The following CACNA2D3 variants were observed in gnomAD, a reference collection of about 807,000 sequenced individuals.
CACNA2D3 encodes voltage-dependent calcium channel subunit alpha-2/delta-3.
In CACNA2D3, 60 loss-of-function variants were observed where a neutral mutation model predicts 160.6. That is an observed-to-expected ratio of 0.37 (90% CI 0.30 to 0.46). The LOEUF (loss-of-function observed/expected upper bound fraction) is 0.46. Ranked by LOEUF, CACNA2D3 falls within the 20% of genes least tolerant of loss-of-function variation. CACNA2D3 has a pLI of 1.00. For synonymous variants in CACNA2D3, 558 were observed against 492.9 expected (o/e 1.13, Z -1.75); for missense variants, 1,205 against 1,365.0 (o/e 0.88, Z 1.85).
intron 4 of CACNA2D3, among the ~76,000 whole-genome samples, chr3:54,480,805 G>A (rs112348039): frequency 1.3e-5 from 2 of 152,256 alleles, no homozygotes; most frequent in African/African-American, 2.4e-5. Flanking sequence ...AATCTGAAAT[G>A]TATGAAAGCT....
chr3:54,515,122 C>T (rs1701526835), intron 5 of CACNA2D3, among the ~76,000 whole-genome samples: 2 of 149,358 alleles, frequency 1.3e-5, no homozygotes, highest in Admixed American at 6.7e-5. Flanking sequence ...AGGTGCCCAG[C>T]AAGTGACAAA....
At chr3:54,524,179 A>G (rs545089207) in intron 5 of CACNA2D3, among the ~76,000 whole-genome samples, 9 of 152,232 alleles carry the variant, frequency 5.9e-5, no homozygotes, top group South Asian at 2.1e-4. Flanking sequence ...ACTGCACTAC[A>G]TAAGTTTTGG....
At chr3:54,666,658 C>G (rs893999826) in intron 11 of CACNA2D3, among the ~76,000 whole-genome samples, 2 of 152,124 alleles carry the variant, frequency 1.3e-5, no homozygotes, top group Non-Finnish European at 2.9e-5. Flanking sequence ...ACATTTTTTG[C>G]TGTGAAGTCA....
At chr3:54,503,372 T>G in intron 4 of CACNA2D3, 120 bp from the exon 5 acceptor site, 1 of 794,062 alleles carries the variant, frequency 1.3e-6, no homozygotes, top group South Asian at 1.7e-5. Context: ...ATAAAAAGAT[T>G]ATGTGAGCAG....
At chr3:54,840,671 AG>A (rs1223756955) in intron 16 of CACNA2D3, among the ~76,000 whole-genome samples, 1 of 149,278 alleles carries the variant, frequency 6.7e-6, no homozygotes, top group Non-Finnish European at 1.5e-5. Context: ...AGCCTCCCAA[AG>A]TGCTGGGATT....
At chr3:54,353,779 G>A (rs1245408969) in intron 3 of CACNA2D3, among the ~76,000 whole-genome samples, 1 of 152,136 alleles carries the variant, frequency 6.6e-6, no homozygotes, top group South Asian at 2.1e-4. Flanking sequence ...CTGCAGACTT[G>A]GGCTTCTTGC....
intron 3 of CACNA2D3, 114 bp downstream of exon 3, chr3:54,320,672 G>T (rs956562424): frequency 3.7e-6 from 2 of 547,626 alleles, no homozygotes; most frequent in Non-Finnish European, 6.4e-6. Context: ...CATCTATTAC[G>T]TAAATACTTT....
chr3:54,299,576 G>A (rs1055015089), intron 2 of CACNA2D3, among the ~76,000 whole-genome samples: 4 of 152,204 alleles, frequency 2.6e-5, no homozygotes, highest in African/African-American at 9.7e-5. Flanking sequence ...AAATGGAATA[G>A]CTAGAAAAGC....
chr3:54,949,678 C>T (rs949492735), intron 27 of CACNA2D3, among the ~76,000 whole-genome samples: 1 of 152,164 alleles, frequency 6.6e-6, no homozygotes, highest in Non-Finnish European at 1.5e-5. Flanking sequence ...CCTGAAAAAC[C>T]GCCCAACATC....
chr3:54,981,327 GAC>G (rs574385338), intron 29 of CACNA2D3, among the ~76,000 whole-genome samples: 7 of 152,090 alleles, frequency 4.6e-5, no homozygotes, highest in Admixed American at 3.9e-4. Context: ...AATACAGAAA[GAC>G]ACACACAGCA....
At position 54,801,174 on chromosome 3, in the gene CACNA2D3, G is replaced by C. The variant is rs1393505331; in HGVS notation, c.1381-15679G>C. ...GCTAATTTTTGTATTTTTTATTAGAGATGGGGTTTCACCATGTTGGCCAGG... is the reference window on the plus strand; with the variant it reads ...GCTAATTTTTGTATTTTTTATTAGACATGGGGTTTCACCATGTTGGCCAGG... On this transcript the variant is annotated intron_variant, in intron 13 of 37. Coordinates refer to ENST00000474759, the MANE Select transcript of CACNA2D3 (RefSeq NM_018398.3). 5.9e-5 allele frequency among the ~76,000 whole-genome samples: 9 copies of C among 152,104 alleles called. No individual in the cohort carries two copies. In the East Asian group the frequency reaches 1.2e-3, roughly 20 times the overall value.
At chr3:55,072,992 A>G (rs1704846578) in intron 35 of CACNA2D3, among the ~76,000 whole-genome samples, 1 of 152,046 alleles carries the variant, frequency 6.6e-6, no homozygotes, top group Admixed American at 6.5e-5. Context: ...GAAGTTCACT[A>G]TCTCTTTTGC....
chr3:55,069,524 A>C (rs1438564263), intron 35 of CACNA2D3, among the ~76,000 whole-genome samples: 2 of 152,126 alleles, frequency 1.3e-5, no homozygotes, highest in Non-Finnish European at 2.9e-5. Context: ...TTTATTTCAC[A>C]AATATTTTTC....
chr3:54,476,650 G>T (rs1700836345), intron 4 of CACNA2D3, among the ~76,000 whole-genome samples: 1 of 151,994 alleles, frequency 6.6e-6, no homozygotes, highest in South Asian at 2.1e-4. Context: ...CATTTCCCTG[G>T]TGATTAGTGA....
chr3:54,431,742 GGATTATA>G (rs1699993898), intron 4 of CACNA2D3, among the ~76,000 whole-genome samples: 2 of 152,054 alleles, frequency 1.3e-5, no homozygotes, highest in Admixed American at 1.3e-4. Flanking sequence ...AGAGTAGCTG[GGATTATA>G]AGTGGTGCCA....
intron 27 of CACNA2D3, among the ~76,000 whole-genome samples, chr3:54,914,908 C>T (rs1370217769): frequency 2.6e-5 from 4 of 152,144 alleles, no homozygotes; most frequent in Non-Finnish European, 5.9e-5. Context: ...AGGTTTCTAA[C>T]GGTTGTTGGA....
chr3:54,300,556 T>G (rs1441561995), intron 2 of CACNA2D3, among the ~76,000 whole-genome samples: 2 of 152,234 alleles, frequency 1.3e-5, no homozygotes, highest in African/African-American at 4.8e-5. Context: ...TCATCTTCAT[T>G]CATGCCTTTT....
intron 13 of CACNA2D3, among the ~76,000 whole-genome samples, chr3:54,808,152 A>G (rs1272083005): frequency 2.0e-5 from 3 of 151,890 alleles, no homozygotes; most frequent in Non-Finnish European, 4.4e-5. Flanking sequence ...ACATGTATAC[A>G]TATGTAACTA....
intron 11 of CACNA2D3, among the ~76,000 whole-genome samples, chr3:54,733,438 C>G (rs1701432319): frequency 6.6e-6 from 1 of 152,186 alleles, no homozygotes; most frequent in African/African-American, 2.4e-5. Context: ...AGGGTAGAAG[C>G]AATTTGCCCT....
Sources: gnomAD v4.1 joint callset for allele counts (sites outside exome capture counted in the v4.1 genomes callset) on GRCh38, gnomAD v4.1.1 for gene constraint, MANE v1.5 for transcripts, NCBI Gene and HGNC (gene_info 2026-07-23, HGNC 2026-07-21) for gene names.